CHD9: variants seen among roughly 807,000 people sequenced by gnomAD.
CHD9 encodes the protein ATP-dependent chromatin remodeler CHD9.
CHD9 carries 77 observed loss-of-function variants against 316.1 expected under a neutral mutation model. The ratio of observed to expected loss-of-function variants is 0.24; its 90% CI spans 0.20 to 0.29. CHD9 has a LOEUF of 0.29. Among genes scored for constraint, CHD9 ranks in the 10% least tolerant of loss-of-function variants. The pLI is 1.00. For missense variants in CHD9, 2,763 were observed against 3,438.1 expected, an observed-to-expected ratio of 0.80 and a Z score of 4.91; for synonymous variants, 1,129 against 1,158.3, an observed-to-expected ratio of 0.97 and a Z score of 0.51.
rs759654281 is a variant in CHD9 at position 53,314,981 on chromosome 16, G to A, written c.7521G>A (p.Lys2507=). 6.2e-7 allele frequency: 1 copy of A among 1,613,660 alleles called. No individual in the cohort carries two copies. The highest frequency in any genetic ancestry group is 1.3e-5 in the African/African-American group (1 of 74,902). The change falls in exon 36 of 39, where the codon AAG becomes AAA. Residue 2507 remains lysine, a synonymous_variant. Coordinates refer to ENST00000447540, the MANE Select transcript of CHD9 (RefSeq NM_001308319.2). The part of the protein sequence containing the change: ...RLAGDDAPKR[K]DLEKWLKEHP... ...CAGGAGATGATGCACCAAAGAGAAAGGATTTGGAAAAATGGCTTAAGGAGC... is the reference window on the plus strand; with the variant it reads ...CAGGAGATGATGCACCAAAGAGAAAAGATTTGGAAAAATGGCTTAAGGAGC...
At chr16:53,278,915 T>C (rs1222750079) in intron 24 of CHD9, among the ~76,000 whole-genome samples, 1 of 152,232 alleles carries the variant, frequency 6.6e-6, no homozygotes, top group Non-Finnish European at 1.5e-5. Context: ...TTGGTGGGAC[T>C]GTAAACTACT....
At chr16:53,231,294 C>A in intron 8 of CHD9, 125 bp from the exon 9 acceptor site, 2 of 525,528 alleles carry the variant, frequency 3.8e-6, no homozygotes, top group Non-Finnish European at 6.8e-6. Context: ...GGAAGAATTC[C>A]ATTTATTGGA....
intron 1 of CHD9, among the ~76,000 whole-genome samples, chr16:53,066,741 G>GT (rs1203130539): frequency 6.6e-6 from 1 of 152,194 alleles, no homozygotes; most frequent in African/African-American, 2.4e-5. Flanking sequence ...TCAATCAGCA[G>GT]TCAGGGACAG....
In CHD9 at chr16:53,224,107, G is replaced by T. The variant is rs80307327; in HGVS notation, c.1896+1352G>T. Reference sequence around the variant, plus strand: ...AAGTACTATATTAGTCACTTAAAACGTGCTTCTAACCTCCTATGTAAAGTG... The same window carrying T: ...AAGTACTATATTAGTCACTTAAAACTTGCTTCTAACCTCCTATGTAAAGTG... On this transcript the variant is annotated intron_variant, in intron 4 of 38. Transcript: ENST00000447540. 7.3e-3 allele frequency among the ~76,000 whole-genome samples: 1,106 copies of T among 152,216 alleles called. 8 individuals are homozygous for T. The highest frequency in any genetic ancestry group is 0.011 in the Non-Finnish European group (726 of 67,984).
At chr16:53,061,592 G>A (rs2032910302) in intron 1 of CHD9, among the ~76,000 whole-genome samples, 1 of 152,156 alleles carries the variant, frequency 6.6e-6, no homozygotes, top group African/African-American at 2.4e-5. Flanking sequence ...CTGGGCAATT[G>A]GGTCTCCATC....
intron 1 of CHD9, among the ~76,000 whole-genome samples, chr16:53,122,992 C>T (rs567530600): frequency 1.9e-4 from 28 of 150,900 alleles, no homozygotes; most frequent in African/African-American, 6.6e-4. Flanking sequence ...GCTGGGATTA[C>T]AGGAGTGAGC....
rs150187556 is a variant in CHD9, at chr16:53,082,845, C to T, written c.-165+27768C>T. On this transcript the variant is annotated intron_variant, in intron 1 of 38. Transcript: ENST00000447540. ...AGACTCCCTTCTTCCAGGATACGTT[C>T]CCAGCTCCTCTCTGCCCTGTCAGGT... Among the ~76,000 whole-genome samples the T allele has an allele frequency of 2.2e-4, 34 of 152,332 alleles. 1 individual carries two copies. The highest frequency in any genetic ancestry group is 7.9e-4 in the African/African-American group (33 of 41,582).
Position 53,327,345 on chromosome 16 carries a change from T to A in CHD9, c.*2450T>A, listed in dbSNP as rs1200429723. On this transcript the variant is annotated 3_prime_UTR_variant, in exon 39 of 39. Transcript: ENST00000447540. The stretch of plus-strand genomic sequence containing the variant: ...CTTTCTTTTGGACATTTGCAATATT[T>A]ACCAGTTGTGTTTTGTGTAGTCTGA... 3 of 152,566 alleles carry A rather than the reference T, an allele frequency of 2.0e-5. No homozygotes were observed. The highest frequency in any genetic ancestry group is 4.4e-5 in the Non-Finnish European group (3 of 67,976). 9.5% of individuals were successfully genotyped at this position (152,566 alleles called of 1,614,324 possible).
At chr16:53,278,893 A>G (rs1165507200) in intron 24 of CHD9, among the ~76,000 whole-genome samples, 24 of 152,154 alleles carry the variant, frequency 1.6e-4, no homozygotes, top group Admixed American at 3.9e-4. Flanking sequence ...AAATAGGAAC[A>G]CTTTTACACT....
chr16:53,188,195 T>G (rs2152820808), intron 2 of CHD9, among the ~76,000 whole-genome samples: 1 of 152,344 alleles, frequency 6.6e-6, no homozygotes, highest in South Asian at 2.1e-4. Context: ...CAAATAATAT[T>G]CCATTGTATG....
chr16:53,172,717 A>G (rs562642808), intron 2 of CHD9, among the ~76,000 whole-genome samples: 4 of 152,234 alleles, frequency 2.6e-5, no homozygotes, highest in Non-Finnish European at 4.4e-5. Flanking sequence ...AGCCATACTG[A>G]TAGGTGAAGA....
At chr16:53,268,258 G>A in intron 22 of CHD9, 132 bp downstream of exon 22, 1 of 653,804 alleles carries the variant, frequency 1.5e-6, no homozygotes, top group Non-Finnish European at 2.5e-6. Context: ...CCCAATTCAA[G>A]TTCCAGCTTC....
At chr16:53,188,256 T>C (rs1277227836) in intron 2 of CHD9, among the ~76,000 whole-genome samples, 1 of 152,240 alleles carries the variant, frequency 6.6e-6, no homozygotes, top group Non-Finnish European at 1.5e-5. Context: ...TTCAGTTGTT[T>C]CCACTTCTTG....
chr16:53,236,074 C>T (rs904201120), intron 11 of CHD9, among the ~76,000 whole-genome samples: 4 of 152,038 alleles, frequency 2.6e-5, no homozygotes, highest in African/African-American at 9.7e-5. Flanking sequence ...GGCCTGTTAT[C>T]CCCACAGTGC....
At position 53,307,668 on chromosome 16, in the gene CHD9, C is replaced by T. The variant is rs1210298881; in HGVS notation, c.6781-13C>T. The T allele has an allele frequency of 1.9e-6, 3 of 1,584,396 alleles. No homozygotes were observed. In the South Asian group the frequency reaches 3.5e-5, roughly 18 times the overall value. On this transcript the variant is annotated splice_polypyrimidine_tract_variant and intron_variant, in intron 32 of 38. Coordinates refer to ENST00000447540, the MANE Select transcript of CHD9 (RefSeq NM_001308319.2). ...TTATTAAAATTACACTTTGATGTTG[C>T]ACGCTTTTCTAGGATCGTGTGATGA...
Position 53,304,324 on chromosome 16 carries a change from A to C in CHD9, c.6318A>C (p.Ala2106=), listed in dbSNP as rs773709057. The C allele has an allele frequency of 1.1e-5, 17 of 1,612,428 alleles. No individual in the cohort carries two copies. The highest frequency in any genetic ancestry group is 1.3e-5 in the African/African-American group (1 of 74,910). The change falls in exon 31 of 39, where the codon GCA becomes GCC. Residue 2106 remains alanine (A), a synonymous_variant. Transcript: ENST00000447540. ...GTGAAACAGACAGACGCATGGTTGC[A>C]GCCAGAACAGAACCCCTAACTCCAA... ...GKCETDRRMV[A]ARTEPLTPNP...
intron 3 of CHD9, among the ~76,000 whole-genome samples, chr16:53,217,055 C>T (rs1314998858): frequency 1.3e-5 from 2 of 152,080 alleles, no homozygotes; most frequent in Non-Finnish European, 2.9e-5. Context: ...TGTCGGTTCC[C>T]CTTTTTTTGT....
At chr16:53,239,660 T>C (rs1021545405) in intron 12 of CHD9, among the ~76,000 whole-genome samples, 1 of 152,124 alleles carries the variant, frequency 6.6e-6, no homozygotes, top group Non-Finnish European at 1.5e-5. Flanking sequence ...GGTTATGTGA[T>C]ATGATAGAGG....
intron 1 of CHD9, among the ~76,000 whole-genome samples, chr16:53,105,556 A>G (rs1459221728): frequency 6.6e-6 from 1 of 152,148 alleles, no homozygotes; most frequent in Non-Finnish European, 1.5e-5. Flanking sequence ...GTTGTTTCCA[A>G]ACTTTTGCTA....
Sources: allele counts gnomAD v4.1 joint callset (sites outside exome capture counted in the v4.1 genomes callset), GRCh38; gene constraint gnomAD v4.1.1; transcripts MANE v1.5; gene names NCBI Gene and HGNC (gene_info 2026-07-23, HGNC 2026-07-21).